Variants in TRPS1 observed in about 807,000 individuals in gnomAD.
TRPS1 encodes the protein transcriptional repressor GATA binding 1.
In TRPS1, 6 loss-of-function variants were observed where a neutral mutation model predicts 101.2. The observed-to-expected ratio is 0.06, with a 90% CI of 0.03 to 0.12. The LOEUF (loss-of-function observed/expected upper bound fraction) is 0.12. TRPS1 is among the 10% of genes least tolerant of loss of function. The pLI is 1.00. For missense variants in TRPS1, 1,363 were observed against 1,567.0 expected, an observed-to-expected ratio of 0.87 and a Z score of 2.20; for synonymous variants, 578 against 589.8, an observed-to-expected ratio of 0.98 and a Z score of 0.29.
At chr8:115,459,165 G>T (rs1206444938) in intron 5 of TRPS1, among the ~76,000 whole-genome samples, 1 of 151,952 alleles carries the variant, frequency 6.6e-6, no homozygotes, top group African/African-American at 2.4e-5. Flanking sequence ...GTGAAACCCC[G>T]TCTCTACTAA....
At position 115,418,325 on chromosome 8, in the gene TRPS1, C is replaced by T. The variant is rs1586253867; in HGVS notation, c.2823+5G>A. 1 of 1,614,108 alleles carries T rather than the reference C, an allele frequency of 6.2e-7. No individual in the cohort carries two copies. The highest frequency in any genetic ancestry group is 2.2e-5 in the East Asian group (1 of 44,878). On this transcript the variant is annotated splice_donor_5th_base_variant and intron_variant, in intron 6 of 6. Transcript: ENST00000395715. The surrounding 1 kb of genome is among the most constrained non-coding windows in gnomAD (Gnocchi z 4.3). Reference sequence around the variant, plus strand: ...TTTTCCTGAAAGAGTGGAACAAGTTCTTACCGAGTGAAGCTTCTGGTAGAG... The same window carrying T: ...TTTTCCTGAAAGAGTGGAACAAGTTTTTACCGAGTGAAGCTTCTGGTAGAG...
At chr8:115,583,057 AT>A (rs1423992302) in intron 5 of TRPS1, among the ~76,000 whole-genome samples, 2 of 152,112 alleles carry the variant, frequency 1.3e-5, no homozygotes, top group Non-Finnish European at 2.9e-5. Context: ...ATGTTGGTTA[AT>A]TTTTTTGTGA....
At chr8:115,658,773 A>G (rs190009292) in intron 1 of TRPS1, among the ~76,000 whole-genome samples, 1 of 152,304 alleles carries the variant, frequency 6.6e-6, no homozygotes, top group Admixed American at 6.5e-5. Context: ...TATGTGTAAC[A>G]CTAAATGTAC....
chr8:115,656,962 T>A (rs1044590168), intron 1 of TRPS1, among the ~76,000 whole-genome samples: 1 of 152,116 alleles, frequency 6.6e-6, no homozygotes, highest in Non-Finnish European at 1.5e-5. Flanking sequence ...GGACTTCAAG[T>A]AATCCAAGAG....
At chr8:115,623,861 CTGAA>C (rs1384354531) in intron 1 of TRPS1, 103 bp from the exon 2 acceptor site, 1 of 1,135,776 alleles carries the variant, frequency 8.8e-7, no homozygotes, top group Non-Finnish European at 1.1e-6. Context: ...CATAGGCTGC[CTGAA>C]AGATATAAAA....
Position 115,408,713 on chromosome 8 carries a change from A to T in TRPS1, c.*5310T>A, listed in dbSNP as rs1217221057. On this transcript the variant is annotated 3_prime_UTR_variant, in exon 7 of 7. Coordinates refer to ENST00000395715, the MANE Select transcript of TRPS1 (RefSeq NM_014112.5). ...TTCTAGTATTCAAATCAGGACTACA[A>T]ATTGAATTCTTTTTCTTAGCAACAT... The T allele has an allele frequency of 6.6e-6, 1 of 152,158 alleles. No homozygotes were observed. The allele number at this position is 152,158 out of a possible 1,614,324, so 9.4% of individuals were successfully genotyped here.
intron 5 of TRPS1, among the ~76,000 whole-genome samples, chr8:115,559,807 G>T (rs1399068412): frequency 1.3e-5 from 2 of 152,064 alleles, no homozygotes; most frequent in East Asian, 3.9e-4. Flanking sequence ...TCCCCCAGGT[G>T]TACATCTTTT....
intron 5 of TRPS1, among the ~76,000 whole-genome samples, chr8:115,536,542 T>A (rs998954480): frequency 3.3e-4 from 34 of 102,392 alleles, no homozygotes; most frequent in South Asian, 9.4e-4. Flanking sequence ...AAAAAAAAAA[T>A]GTATTTCACA....
chr8:115,647,450 TG>T (rs1464704264), intron 1 of TRPS1, among the ~76,000 whole-genome samples: 1 of 152,170 alleles, frequency 6.6e-6, no homozygotes, highest in Non-Finnish European at 1.5e-5. Flanking sequence ...GTTCCCAGAA[TG>T]CTAAAAATAC....
chr8:115,543,706 T>G (rs1037030561), intron 5 of TRPS1, among the ~76,000 whole-genome samples: 1 of 152,152 alleles, frequency 6.6e-6, no homozygotes, highest in East Asian at 1.9e-4. Context: ...GTGAAAAAAA[T>G]GAACCAAAGC....
intron 5 of TRPS1, among the ~76,000 whole-genome samples, chr8:115,535,245 CATATATAGCAT>C (rs755117098): frequency 0.012 from 422 of 35,060 alleles, 3 homozygotes; most frequent in Non-Finnish European, 0.017. Flanking sequence ...GCATATATAG[CATATATAGCAT>C]ATATATAGCA....
At chr8:115,612,028 T>G (rs1586457450) in intron 3 of TRPS1, among the ~76,000 whole-genome samples, 1 of 149,690 alleles carries the variant, frequency 6.7e-6, no homozygotes, top group East Asian at 2.0e-4. Flanking sequence ...AACAGAATTT[T>G]TAAAAATTAA....
chr8:115,504,133 C>T (rs531578894), intron 5 of TRPS1, among the ~76,000 whole-genome samples: 1 of 152,228 alleles, frequency 6.6e-6, no homozygotes, highest in East Asian at 1.9e-4. Flanking sequence ...TTACCAAGTG[C>T]TTTGGCTTCA....
chr8:115,554,941 T>C (rs1353851668), intron 5 of TRPS1, among the ~76,000 whole-genome samples: 1 of 152,008 alleles, frequency 6.6e-6, no homozygotes, highest in East Asian at 1.9e-4. Flanking sequence ...AGTTTGACAA[T>C]GAGCATGAAT....
At chr8:115,577,323 A>G (rs1272431515) in intron 5 of TRPS1, among the ~76,000 whole-genome samples, 1 of 152,180 alleles carries the variant, frequency 6.6e-6, no homozygotes, top group Non-Finnish European at 1.5e-5. Flanking sequence ...AAACATTCAT[A>G]AATAACATCA....
chr8:115,667,939 C>T (rs1369363309), intron 1 of TRPS1: 1 of 1,492,760 alleles, frequency 6.7e-7, no homozygotes, highest in Non-Finnish European at 9.0e-7. Flanking sequence ...CTTGCAGTGG[C>T]GGCGGCGGCG....
chr8:115,428,169 T>A (rs1563724300), intron 5 of TRPS1, among the ~76,000 whole-genome samples: 1 of 152,186 alleles, frequency 6.6e-6, no homozygotes, highest in African/African-American at 2.4e-5. Flanking sequence ...TTTTGTGATA[T>A]TTGGTATCAT....
intron 5 of TRPS1, among the ~76,000 whole-genome samples, chr8:115,442,248 A>G (rs1813617315): frequency 6.6e-6 from 1 of 152,198 alleles, no homozygotes; most frequent in African/African-American, 2.4e-5. Context: ...GAAACAGCCA[A>G]CTTCTCTAAG....
At chr8:115,560,249 A>G (rs1816915429) in intron 5 of TRPS1, among the ~76,000 whole-genome samples, 1 of 152,170 alleles carries the variant, frequency 6.6e-6, no homozygotes, top group Non-Finnish European at 1.5e-5. Flanking sequence ...TCAGGAAACT[A>G]GAAGCATTAA....
Sources: gnomAD v4.1 joint callset for allele counts (sites outside exome capture counted in the v4.1 genomes callset) on GRCh38, gnomAD v4.1.1 for gene constraint, Gnocchi (gnomAD v3.1) non-coding constraint, MANE v1.5 for transcripts, NCBI Gene and HGNC (gene_info 2026-07-23, HGNC 2026-07-21) for gene names.